SWT1: variants seen among roughly 807,000 people sequenced by gnomAD.
The protein encoded by SWT1 is SWT1 RNA endoribonuclease homolog.
SWT1 carries 33 observed loss-of-function variants against 107.3 expected under a neutral mutation model. The observed-to-expected ratio is 0.31, with a 90% confidence interval of 0.23 to 0.41. The LOEUF (loss-of-function observed/expected upper bound fraction) is 0.41, where lower values mean the gene tolerates loss of function less well. Among genes scored for constraint, SWT1 ranks in the 10% least tolerant of loss-of-function variants. The pLI, the probability that SWT1 is intolerant of heterozygous loss-of-function variation, is 1.00. For missense variants in SWT1, 898 were observed against 1,028.9 expected (o/e 0.87, Z 1.74); for synonymous variants, 345 against 348.3 (o/e 0.99, Z 0.11).
intron 16 of SWT1, among the ~76,000 whole-genome samples, chr1:185,257,216 G>C (rs979930408): frequency 3.3e-5 from 5 of 152,096 alleles, no homozygotes; most frequent in African/African-American, 4.8e-5. Context: ...AGTCTGCAGA[G>C]GTTACTGCTG....
chr1:185,250,811 C>T (rs558672892), intron 16 of SWT1, among the ~76,000 whole-genome samples: 57 of 152,192 alleles, frequency 3.7e-4, no homozygotes, highest in African/African-American at 1.3e-3. Context: ...TACAGGCATG[C>T]ACCACCATGC....
At chr1:185,258,455 C>G (rs1203901849) in intron 16 of SWT1, among the ~76,000 whole-genome samples, 1 of 152,070 alleles carries the variant, frequency 6.6e-6, no homozygotes, top group African/African-American at 2.4e-5. Flanking sequence ...TCATTTTACT[C>G]ATTTTCTGGG....
intron 16 of SWT1, chr1:185,266,715 T>A (rs1663426678): frequency 1.3e-5 from 2 of 151,870 alleles, no homozygotes; most frequent in South Asian, 2.1e-4. Context: ...ACTATTGAGC[T>A]ATATAGAAAT....
intron 16 of SWT1, among the ~76,000 whole-genome samples, chr1:185,248,775 C>CAAAAAAAAA: frequency 2.5e-5 from 3 of 117,842 alleles, no homozygotes; most frequent in Non-Finnish European, 5.6e-5. Flanking sequence ...ACGACTAAGC[C>CAAAAAAAAA]AAAAAAAAAA....
chr1:185,253,500 TC>T (rs1194924738), intron 16 of SWT1, among the ~76,000 whole-genome samples: 4 of 150,814 alleles, frequency 2.7e-5, no homozygotes, highest in Non-Finnish European at 4.4e-5. Flanking sequence ...GTCCTTCACA[TC>T]CCTTGTAAGT....
chr1:185,203,753 T>G (rs984707143), intron 11 of SWT1, among the ~76,000 whole-genome samples: 3 of 152,158 alleles, frequency 2.0e-5, no homozygotes, highest in African/African-American at 7.2e-5. Context: ...ATCCCACCTT[T>G]CCCCTCTTTG....
intron 13 of SWT1, among the ~76,000 whole-genome samples, chr1:185,209,882 A>G (rs990046828): frequency 2.6e-5 from 4 of 152,162 alleles, no homozygotes; most frequent in Non-Finnish European, 5.9e-5. Context: ...CCTCTCCAGC[A>G]TCTGTTGTTT....
At chr1:185,198,707 C>T (rs115657235) in intron 10 of SWT1, among the ~76,000 whole-genome samples, 1,740 of 150,846 alleles carry the variant, frequency 0.012, 25 homozygotes, top group African/African-American at 0.041. Context: ...CTCTTTTGAT[C>T]TCTGTTTAAA....
intron 16 of SWT1, among the ~76,000 whole-genome samples, chr1:185,254,720 C>A (rs1285039386): frequency 1.3e-5 from 2 of 151,384 alleles, no homozygotes. Context: ...TTGATCCTTT[C>A]AAAAAACCAG....
At chr1:185,224,354 T>C (rs950492486) in intron 15 of SWT1, among the ~76,000 whole-genome samples, 1 of 152,192 alleles carries the variant, frequency 6.6e-6, no homozygotes, top group African/African-American at 2.4e-5. Flanking sequence ...TGTGGTATAT[T>C]TTGTTGTTTG....
At chr1:185,276,731 TTGG>T (rs1157560724) in intron 18 of SWT1, 63 bp downstream of exon 18, 257 of 828,524 alleles carry the variant, frequency 3.1e-4, no homozygotes, top group South Asian at 3.5e-4. Flanking sequence ...ACAGCAGCAC[TTGG>T]TGGTGGTGGT....
chr1:185,271,206 G>A, intron 16 of SWT1, 117 bp from the exon 17 acceptor site: 1 of 630,840 alleles, frequency 1.6e-6, no homozygotes, highest in East Asian at 2.9e-5. Flanking sequence ...AAACCTGTAA[G>A]CTTATTAAAC....
chr1:185,231,110 A>G (rs1464617228), intron 15 of SWT1, among the ~76,000 whole-genome samples: 1 of 152,192 alleles, frequency 6.6e-6, no homozygotes, highest in Non-Finnish European at 1.5e-5. Flanking sequence ...ATATTGTTAT[A>G]CATTTAAGGT....
At chr1:185,160,116 G>A (rs542791966) in intron 1 of SWT1, among the ~76,000 whole-genome samples, 1 of 152,320 alleles carries the variant, frequency 6.6e-6, no homozygotes, top group South Asian at 2.1e-4. Flanking sequence ...CTTAAAAAAA[G>A]CATGTGATTT....
At chr1:185,245,175 A>G (rs1029364789) in intron 16 of SWT1, among the ~76,000 whole-genome samples, 2 of 152,192 alleles carry the variant, frequency 1.3e-5, no homozygotes, top group African/African-American at 2.4e-5. Context: ...GTACAACTGT[A>G]TAAAAATATT....
intron 16 of SWT1, among the ~76,000 whole-genome samples, chr1:185,252,499 T>A (rs184637189): frequency 4.5e-4 from 69 of 152,366 alleles, no homozygotes; most frequent in African/African-American, 1.6e-3. Flanking sequence ...TGGTATCCCA[T>A]TGTGGTTTTG....
At position 185,184,449 on chromosome 1, in the gene SWT1, A is replaced by G. The variant is rs376394379; in HGVS notation, c.1240+105A>G. On this transcript the variant is annotated intron_variant, in intron 8 of 18. Transcript: ENST00000367500. ...GCCATGAACATGTCTCCATTTAGAT[A>G]TGCTATATATTAAGCATATTCAGTG... 3.6e-5 allele frequency: 26 copies of G among 713,912 alleles called. No homozygotes were observed. The East Asian group carries it at 3.8e-4, about 10-fold the overall frequency. 44.2% of individuals were successfully genotyped at this position (713,912 alleles called of 1,614,324 possible).
chr1:185,256,542 T>C (rs1285548485), intron 16 of SWT1, among the ~76,000 whole-genome samples: 16 of 148,364 alleles, frequency 1.1e-4, no homozygotes, highest in African/African-American at 3.3e-4. Flanking sequence ...CATCTTCCAT[T>C]GCTGATACCC....
chr1:185,234,607 T>A (rs774177177), intron 16 of SWT1, among the ~76,000 whole-genome samples: 4 of 152,224 alleles, frequency 2.6e-5, no homozygotes, highest in Admixed American at 1.3e-4. Context: ...TTAGCCCATT[T>A]ACATTTAAGG....
Sources: allele counts gnomAD v4.1 joint callset (sites outside exome capture counted in the v4.1 genomes callset), GRCh38; gene constraint gnomAD v4.1.1; transcripts MANE v1.5; gene names NCBI Gene and HGNC (gene_info 2026-07-23, HGNC 2026-07-21).